FAM13A: variants seen among roughly 807,000 people sequenced by gnomAD.
FAM13A encodes the protein family with sequence similarity 13 member A, also known as protein FAM13A.
FAM13A carries 76 observed loss-of-function variants against 129.6 expected under a neutral mutation model. That is an observed-to-expected ratio of 0.59 (90% CI 0.49 to 0.71). FAM13A has a LOEUF of 0.71. FAM13A is among the 30% of genes least tolerant of loss of function. The pLI, the probability that FAM13A is intolerant of heterozygous loss-of-function variation, is 0.00. For synonymous variants in FAM13A, 443 were observed against 449.9 expected, an observed-to-expected ratio of 0.98 and a Z score of 0.20; for missense variants, 1,108 against 1,249.3, an observed-to-expected ratio of 0.89 and a Z score of 1.70.
intron 6 of FAM13A, among the ~76,000 whole-genome samples, chr4:88,857,632 A>G (rs1738765617): frequency 6.6e-6 from 1 of 150,906 alleles, no homozygotes; most frequent in Non-Finnish European, 1.5e-5. Context: ...CTGCCTCAAA[A>G]AAAAAAAAAA....
Position 88,933,426 on chromosome 4 carries a change from A to G in FAM13A, c.759+4662T>C, listed in dbSNP as rs112393419. Reference sequence around the variant, plus strand: ...ATAAGGAGAAACCATCAATATCTTTATCTCCCATCTCTTTGCCTTCTCCTT... The same window carrying G: ...ATAAGGAGAAACCATCAATATCTTTGTCTCCCATCTCTTTGCCTTCTCCTT... On this transcript the variant is annotated intron_variant, in intron 5 of 23. Transcript: ENST00000264344. 6.3e-3 allele frequency among the ~76,000 whole-genome samples: 959 copies of G among 152,120 alleles called. 11 individuals carry two copies. Among genetic ancestry groups the G allele is most frequent in the African/African-American group, 0.022 (917 of 41,510 alleles).
In FAM13A at chr4:88,748,915, T is replaced by C. The variant is rs747591905; in HGVS notation, c.2161+37A>G. On this transcript the variant is annotated intron_variant, in intron 17 of 23. Transcript: ENST00000264344. The stretch of plus-strand genomic sequence containing the variant: ...GAGGTGAGAGATTCTGCACCTGGCT[T>C]GTTGTACAGAAGCCACAGCTCCAGA... 4.1e-6 allele frequency: 6 copies of C among 1,446,358 alleles called. No homozygotes were observed. The East Asian group carries it at 9.1e-5, about 22-fold the overall frequency. 89.6% of individuals were successfully genotyped at this position (1,446,358 alleles called of 1,614,324 possible).
At chr4:88,741,769 T>C (rs1405955180) in intron 19 of FAM13A, among the ~76,000 whole-genome samples, 7 of 152,198 alleles carry the variant, frequency 4.6e-5, no homozygotes, top group Non-Finnish European at 1.0e-4. Context: ...GCTCAATCAG[T>C]ATAATGCAAA....
intron 10 of FAM13A, among the ~76,000 whole-genome samples, chr4:88,784,267 G>A (rs1337762493): frequency 6.6e-6 from 1 of 152,150 alleles, no homozygotes; most frequent in African/African-American, 2.4e-5. Context: ...TGCGATATCT[G>A]TTTTTCATCA....
At chr4:88,845,151 G>T (rs1736433133) in intron 7 of FAM13A, among the ~76,000 whole-genome samples, 1 of 151,450 alleles carries the variant, frequency 6.6e-6, no homozygotes, top group South Asian at 2.1e-4. Flanking sequence ...GATCACGAGG[G>T]AAAAAATGAG....
At chr4:88,932,823 C>T (rs1234626866) in intron 5 of FAM13A, among the ~76,000 whole-genome samples, 1 of 152,078 alleles carries the variant, frequency 6.6e-6, no homozygotes, top group African/African-American at 2.4e-5. Context: ...CTATGGAAGG[C>T]CATTCTAATA....
intron 5 of FAM13A, 135 bp from the exon 6 acceptor site, chr4:88,906,597 T>C: frequency 1.6e-6 from 1 of 635,716 alleles, no homozygotes; most frequent in Non-Finnish European, 2.7e-6. Context: ...GCTGGTGAAA[T>C]TGTAGTACGG....
At chr4:89,024,670 A>C (rs1767701840) in intron 2 of FAM13A, among the ~76,000 whole-genome samples, 1 of 152,258 alleles carries the variant, frequency 6.6e-6, no homozygotes, top group African/African-American at 2.4e-5. Context: ...AAAAAACTGC[A>C]AAGTAATTAA....
chr4:88,759,120 C>T lies in FAM13A; in HGVS notation c.1579-219G>A, dbSNP rs547374793. On this transcript the variant is annotated intron_variant, in intron 13 of 23. Coordinates refer to ENST00000264344, the MANE Select transcript of FAM13A (RefSeq NM_014883.4). ...CTGTGCTCCTTTAACTTTCCCCAGGCTGCTCTTCCCGATAACTGCAGGCAG... is the reference window on the plus strand; with the variant it reads ...CTGTGCTCCTTTAACTTTCCCCAGGTTGCTCTTCCCGATAACTGCAGGCAG... 1.2e-4 allele frequency: 58 copies of T among 468,320 alleles called. No homozygotes were observed. The South Asian group carries it at 2.1e-3, about 17-fold the overall frequency. 29.0% of individuals were successfully genotyped at this position (468,320 alleles called of 1,614,324 possible). A position where few individuals can be genotyped will look rare whatever the true frequency, so the allele number is the denominator to read the frequency against.
intron 8 of FAM13A, among the ~76,000 whole-genome samples, chr4:88,803,481 T>C (rs943218216): frequency 2.0e-5 from 3 of 152,226 alleles, no homozygotes; most frequent in Non-Finnish European, 4.4e-5. Context: ...TTCTCATTCG[T>C]TGGCATGAAC....
rs1295488718 is a variant in FAM13A, at chr4:88,725,984, T to TTAAG, written c.*2545_*2548dup. 39 of 103,930 alleles carry TTAAG rather than the reference T, an allele frequency of 3.8e-4. No homozygotes were observed. The highest frequency in any genetic ancestry group is 5.2e-3 in the Middle Eastern group (1 of 194). The allele number at this position is 103,930 out of a possible 1,614,324, so 6.4% of individuals were successfully genotyped here. A position where few individuals can be genotyped will look rare whatever the true frequency, so the allele number is the denominator to read the frequency against. On this transcript the variant is annotated 3_prime_UTR_variant, in exon 24 of 24. Transcript: ENST00000264344. ...ATTATAAGTCTGCACTCTTTAATTCTTAAGTTTACTTACACTTATGAAATA... is the reference window on the plus strand; with the variant it reads ...ATTATAAGTCTGCACTCTTTAATTCTTAAGTAAGTTTACTTACACTTATGAAATA...
At chr4:88,962,583 C>T (rs1265428483) in intron 4 of FAM13A, among the ~76,000 whole-genome samples, 1 of 152,132 alleles carries the variant, frequency 6.6e-6, no homozygotes, top group Non-Finnish European at 1.5e-5. Context: ...GTTTATCAAC[C>T]AGGAGTCACT....
At position 88,737,489 on chromosome 4, in the gene FAM13A, A is replaced by G; in HGVS notation, c.2629T>C (p.Phe877Leu). ...GTCTTCACCTTTATCTCCTTGAAGA[A>G]GGAAGCAGTTTCGCCCTCGATAATT... Reference protein sequence around the residue: ...QPIIEGETASFFKEIKEEEEG... With the variant: ...QPIIEGETASLFKEIKEEEEG... The change falls in exon 21 of 24, where the codon TTC becomes CTC. Residue 877 changes from phenylalanine (F) to leucine (L), a missense_variant. Coordinates refer to ENST00000264344, the MANE Select transcript of FAM13A (RefSeq NM_014883.4). The G allele has an allele frequency of 6.2e-7, 1 of 1,614,116 alleles. No homozygotes were observed. Among genetic ancestry groups the G allele is most frequent in the African/African-American group, 1.3e-5 (1 of 75,058 alleles).
At position 88,912,566 on chromosome 4, in the gene FAM13A, CAT is replaced by C. The variant is rs1217176783; in HGVS notation, c.760-6106_760-6105del. 4.4e-4 allele frequency among the ~76,000 whole-genome samples: 35 copies of C among 78,886 alleles called. No individual in the cohort carries two copies. In the East Asian group the frequency reaches 0.012, roughly 26 times the overall value. 51.8% of individuals were successfully genotyped at this position (78,886 alleles called of 152,430 possible). A position where few individuals can be genotyped will look rare whatever the true frequency, so the allele number is the denominator to read the frequency against. ...AATCACCTCTCTCTTTACACACATA[CAT>C]ACACACACACACACACACACACACA... On this transcript the variant is annotated intron_variant, in intron 5 of 23. Coordinates refer to ENST00000264344, the MANE Select transcript of FAM13A (RefSeq NM_014883.4).
chr4:88,974,444 T>G (rs924961278), intron 4 of FAM13A, among the ~76,000 whole-genome samples: 73 of 152,312 alleles, frequency 4.8e-4, no homozygotes, highest in African/African-American at 1.7e-3. Flanking sequence ...CCTTAAATGC[T>G]AGACCAGGAA....
intron 13 of FAM13A, among the ~76,000 whole-genome samples, chr4:88,762,668 A>G (rs1745026602): frequency 6.6e-6 from 1 of 152,062 alleles, no homozygotes; most frequent in African/African-American, 2.4e-5. Flanking sequence ...CTAGCATAAA[A>G]ACTGCTGTGC....
intron 4 of FAM13A, among the ~76,000 whole-genome samples, chr4:88,945,990 G>GTGTGTATATATATATATATATATATATA: frequency 3.2e-5 from 2 of 61,950 alleles, no homozygotes; most frequent in African/African-American, 8.6e-5. Flanking sequence ...GTGTGTGTGT[G>GTGTGTATATATATATATATATATATATA]TATATATATA....
chr4:88,857,382 C>A (rs1466912157), intron 6 of FAM13A, among the ~76,000 whole-genome samples: 2 of 152,134 alleles, frequency 1.3e-5, no homozygotes, highest in Non-Finnish European at 2.9e-5. Flanking sequence ...AATCCCAGCA[C>A]TTTGGCAGGC....
intron 11 of FAM13A, among the ~76,000 whole-genome samples, chr4:88,777,542 C>T (rs1174646444): frequency 6.6e-6 from 1 of 152,132 alleles, no homozygotes; most frequent in Non-Finnish European, 1.5e-5. Flanking sequence ...TACCTCACTG[C>T]CCCTGATTTC....
Sources: gnomAD v4.1 joint callset for allele counts (sites outside exome capture counted in the v4.1 genomes callset) on GRCh38, gnomAD v4.1.1 for gene constraint, MANE v1.5 for transcripts, NCBI Gene and HGNC (gene_info 2026-07-23, HGNC 2026-07-21) for gene names.